Variants in TFAP2A observed in about 807,000 individuals in gnomAD.
TFAP2A encodes transcription factor AP-2 alpha.
Under a neutral mutation model 41.5 loss-of-function variants are expected in TFAP2A, and 7 were observed. That is an observed-to-expected ratio of 0.17 (90% CI 0.10 to 0.32). The LOEUF (loss-of-function observed/expected upper bound fraction) is 0.32, where lower values mean the gene tolerates loss of function less well. Among genes scored for constraint, TFAP2A ranks in the 10% least tolerant of loss-of-function variants. TFAP2A has a pLI of 1.00. For missense variants in TFAP2A, 416 were observed against 563.3 expected, an observed-to-expected ratio of 0.74 and a Z score of 2.65; for synonymous variants, 247 against 242.8, an observed-to-expected ratio of 1.02 and a Z score of -0.16.
chr6:10,398,362 G>A lies in TFAP2A; in HGVS notation c.*55C>T. On this transcript the variant is annotated 3_prime_UTR_variant, in exon 7 of 7. Transcript: ENST00000379613. The surrounding 1 kb of genome is among the most constrained non-coding windows in gnomAD (Gnocchi z 5.3). Reference sequence around the variant, plus strand: ...ATCCCGGAGCTGTCACCCGCCGGAGGGTGGGCGCGCGGGGGGCTGGTGAGG... The same window carrying A: ...ATCCCGGAGCTGTCACCCGCCGGAGAGTGGGCGCGCGGGGGGCTGGTGAGG... 6.2e-7 allele frequency: 1 copy of A among 1,610,192 alleles called. No individual in the cohort carries two copies. Among genetic ancestry groups the A allele is most frequent in the Admixed American group, 1.7e-5 (1 of 59,970 alleles).
chr6:10,411,416 A>C (rs1364526959), intron 1 of TFAP2A, among the ~76,000 whole-genome samples: 1 of 151,562 alleles, frequency 6.6e-6, no homozygotes, highest in Non-Finnish European at 1.5e-5. Context: ...AAAGAGCGAG[A>C]GAAAGGCGGA....
upstream of TFAP2A, chr6:10,415,380 G>A (rs1405559539): frequency 8.7e-6 from 7 of 808,696 alleles, no homozygotes; most frequent in African/African-American, 1.8e-5. Flanking sequence ...CTCCGACACA[G>A]GTATAAAGGC....
chr6:10,410,686 CCTTTT>C (rs1757924701), intron 1 of TFAP2A, among the ~76,000 whole-genome samples: 1 of 152,182 alleles, frequency 6.6e-6, no homozygotes, highest in Admixed American at 6.5e-5. Flanking sequence ...GCAGAAGCGG[CCTTTT>C]CTTTTCCCCC....
At chr6:10,417,837 G>A (rs1758301219), upstream of TFAP2A, among the ~76,000 whole-genome samples, 1 of 152,086 alleles carries the variant, frequency 6.6e-6, no homozygotes, top group Non-Finnish European at 1.5e-5. Flanking sequence ...CCAGGCCCGC[G>A]GCTCCCTCCT....
In TFAP2A at chr6:10,406,839, T is replaced by C; in HGVS notation, c.492A>G (p.Val164=). ...LPHAIEEVPH[V]EDPGINIPDQ... Reference sequence around the variant, plus strand: ...CTGGGATGTTAATACCCGGGTCTTCTACATGCTGCAACAAAAGGATACACA... The same window carrying C: ...CTGGGATGTTAATACCCGGGTCTTCCACATGCTGCAACAAAAGGATACACA... Residue 164 remains valine (V), a synonymous_variant, in exon 3 of 7, where the codon GTA becomes GTG. Transcript: ENST00000379613. 1.2e-6 allele frequency: 2 copies of C among 1,612,948 alleles called. No homozygotes were observed. Among genetic ancestry groups the C allele is most frequent in the Non-Finnish European group, 1.7e-6 (2 of 1,178,902 alleles).
At position 10,410,232 on chromosome 6, in the gene TFAP2A, T is replaced by C. The variant is rs527785340; in HGVS notation, c.155A>G (p.Asn52Ser). ...GAAGTATGGGGGCTGGAAGTCGGCA[T>C]TGGGGGTGTGGGACAGCGGCGGGGC... ...TSAPPLSHTP[N>S]ADFQPPYFPP... is the part of the protein sequence containing the mutation. Residue 52 changes from asparagine to serine, a missense_variant, in exon 2 of 7, where the codon AAT becomes AGT. Around this residue, in one of 3 missense-constraint regions of TFAP2A, gnomAD observed 241 missense variants for 274.1 expected, o/e 0.88. Transcript: ENST00000379613. 8.9e-5 allele frequency: 43 copies of C among 483,364 alleles called. No homozygotes were observed. In the East Asian group the frequency reaches 1.1e-3, roughly 12 times the overall value. 29.9% of individuals were successfully genotyped at this position (483,364 alleles called of 1,614,324 possible). A position where few individuals can be genotyped will look rare whatever the true frequency, so the allele number is the denominator to read the frequency against.
chr6:10,405,313 G>A (rs1213443504), intron 3 of TFAP2A: 2 of 152,932 alleles, frequency 1.3e-5, no homozygotes, highest in Non-Finnish European at 2.9e-5. Context: ...GGATTTTGTT[G>A]TCCACACCAC....
At chr6:10,413,941 C>T (rs1209506944) in intron 1 of TFAP2A, among the ~76,000 whole-genome samples, 1 of 152,214 alleles carries the variant, frequency 6.6e-6, no homozygotes, top group Non-Finnish European at 1.5e-5. Context: ...CACACCCCAA[C>T]CCCTCTCTCG....
At chr6:10,405,000 C>T (rs1757642942) in intron 3 of TFAP2A, 2 of 565,322 alleles carry the variant, frequency 3.5e-6, no homozygotes, top group South Asian at 4.2e-5. Context: ...GACCCTTTCC[C>T]CTTCGCCGTC....
At chr6:10,416,638 T>C (rs1758254734), upstream of TFAP2A, among the ~76,000 whole-genome samples, 1 of 152,020 alleles carries the variant, frequency 6.6e-6, no homozygotes, top group Non-Finnish European at 1.5e-5. Context: ...TTCTCGAAAA[T>C]CTCCAGGCCT....
At chr6:10,407,377 A>AAAGC (rs1215736801) in intron 2 of TFAP2A, 1 of 154,642 alleles carries the variant, frequency 6.5e-6, no homozygotes, top group Non-Finnish European at 1.4e-5. Flanking sequence ...TAGAAAGACT[A>AAAGC]CTGCCTAAGC....
At chr6:10,404,156 G>C (rs956331599) in intron 4 of TFAP2A, among the ~76,000 whole-genome samples, 1 of 152,234 alleles carries the variant, frequency 6.6e-6, no homozygotes, top group Non-Finnish European at 1.5e-5. Context: ...GTGGCTGTAC[G>C]GCGCCCCGCG....
chr6:10,414,145 A>C (rs1468384894), intron 1 of TFAP2A, among the ~76,000 whole-genome samples: 1 of 152,220 alleles, frequency 6.6e-6, no homozygotes, highest in African/African-American at 2.4e-5. Context: ...GCAGCCGCGC[A>C]AGGATTCCCA....
chr6:10,400,772 A>G (rs1168830320), intron 5 of TFAP2A, 183 bp from the exon 6 acceptor site: 1 of 772,624 alleles, frequency 1.3e-6, no homozygotes, highest in Admixed American at 2.0e-5. Context: ...TGCATTTATC[A>G]GGAAAAATGA....
rs947408228 is a variant in TFAP2A at position 10,397,330 on chromosome 6, CTTT to C, written c.*1084_*1086del. 1 of 150,198 alleles carries C rather than the reference CTTT, an allele frequency of 6.7e-6. No homozygotes were observed. The highest frequency in any genetic ancestry group is 2.4e-5 in the African/African-American group (1 of 40,902). The allele number at this position is 150,198 out of a possible 1,614,324, so 9.3% of individuals were successfully genotyped here. On this transcript the variant is annotated 3_prime_UTR_variant, in exon 7 of 7. Transcript: ENST00000379613. ...AGGGAGGACAGTGGAATAAAATAAA[CTTT>C]TTTTTTTCTCCCTACAATACATAGA...
chr6:10,413,061 A>G (rs1370400066), intron 1 of TFAP2A, among the ~76,000 whole-genome samples: 2 of 152,048 alleles, frequency 1.3e-5, no homozygotes, highest in Non-Finnish European at 2.9e-5. Context: ...GCCCCCCCAG[A>G]TGACACGACT....
chr6:10,398,752 G>C lies in TFAP2A; in HGVS notation c.1032-47C>G. 1 of 1,603,338 alleles carries C rather than the reference G, an allele frequency of 6.2e-7. No individual in the cohort carries two copies. The highest frequency in any genetic ancestry group is 8.5e-7 in the Non-Finnish European group (1 of 1,173,122). ...GAGAGAGACATAAGGCTCCACTATG[G>C]GCAGCACTAGCAGCAAAGAGAAAAC... On this transcript the variant is annotated intron_variant, in intron 6 of 6. Transcript: ENST00000379613. The surrounding 1 kb of genome is among the most constrained non-coding windows in gnomAD (Gnocchi z 5.3).
In TFAP2A at chr6:10,398,611, T is replaced by C; in HGVS notation, c.1126A>G (p.Ser376Gly). The C allele has an allele frequency of 6.2e-7, 1 of 1,614,186 alleles. No homozygotes were observed. Residue 376 changes from serine to glycine, a missense_variant, in exon 7 of 7, where the codon AGC becomes GGC. Coordinates refer to ENST00000379613, the MANE Select transcript of TFAP2A (RefSeq NM_001372066.1). This position sits in a 1 kb window ranked among gnomAD's most constrained non-coding sequence, Gnocchi z 5.3. ...PNPILEPGIQ[S>G]CLTHFNLISH... is the part of the protein sequence containing the mutation. ...ATGAGGTTGAAGTGGGTCAAGCAGC[T>C]CTGGATGCCGGGCTCCAGGATGGGG...
chr6:10,419,356 C>T, upstream of TFAP2A: 2 of 1,573,454 alleles, frequency 1.3e-6, no homozygotes, highest in South Asian at 1.1e-5. Flanking sequence ...CTCCCCGCTC[C>T]GGCCCCCTCC....
Sources: allele counts gnomAD v4.1 joint callset (sites outside exome capture counted in the v4.1 genomes callset), GRCh38; gene constraint gnomAD v4.1.1; regional missense constraint gnomAD v4.1.1; non-coding constraint Gnocchi (gnomAD v3.1); transcripts MANE v1.5; gene names NCBI Gene and HGNC (gene_info 2026-07-23, HGNC 2026-07-21).